FBXL17: variants seen among roughly 807,000 people sequenced by gnomAD.
FBXL17 encodes F-box/LRR-repeat protein 17.
FBXL17 carries 22 observed loss-of-function variants against 66.2 expected under a neutral mutation model. The ratio of observed to expected loss-of-function variants is 0.33; its 90% CI spans 0.24 to 0.47. The LOEUF (loss-of-function observed/expected upper bound fraction) is 0.47, where lower values mean the gene tolerates loss of function less well. Ranked by LOEUF, FBXL17 falls within the 20% of genes least tolerant of loss-of-function variation. The pLI is 1.00. For missense variants in FBXL17, 878 were observed against 948.2 expected (o/e 0.93, Z 0.97); for synonymous variants, 474 against 400.5 (o/e 1.18, Z -2.19).
At chr5:108,326,287 T>TA (rs918196994) in intron 4 of FBXL17, among the ~76,000 whole-genome samples, 49 of 150,264 alleles carry the variant, frequency 3.3e-4, no homozygotes, top group African/African-American at 1.0e-3. Flanking sequence ...GACAACCAAT[T>TA]AAAAAAAAAT....
In FBXL17 at chr5:108,218,128, C is replaced by T. The variant is rs1044988872; in HGVS notation, c.1614+5993G>A. ...TCACGCCATTCTCCTGCCTCAGCCT[C>T]CAGAGTAGCTGGGACTATAGGCGCC... On this transcript the variant is annotated intron_variant, in intron 5 of 8. Coordinates refer to ENST00000542267, the MANE Select transcript of FBXL17 (RefSeq NM_001163315.3). Among the ~76,000 whole-genome samples, 25 of 150,982 alleles carry T rather than the reference C, an allele frequency of 1.7e-4. 1 individual carries two copies. The South Asian group carries it at 2.9e-3, about 18-fold the overall frequency.
At chr5:108,347,119 A>G (rs897057140) in intron 4 of FBXL17, among the ~76,000 whole-genome samples, 3 of 152,202 alleles carry the variant, frequency 2.0e-5, no homozygotes. Context: ...TAATTTTGTC[A>G]TTGTGTGAAC....
intron 7 of FBXL17, among the ~76,000 whole-genome samples, chr5:107,935,717 C>T (rs17437183): frequency 0.095 from 14,388 of 151,962 alleles, 826 homozygotes; most frequent in South Asian, 0.16. Flanking sequence ...AATTACTAAG[C>T]CAAACAGAAG....
chr5:108,157,634 A>G (rs866979471), intron 6 of FBXL17, among the ~76,000 whole-genome samples: 1 of 151,912 alleles, frequency 6.6e-6, no homozygotes. Context: ...ATTATTTAGC[A>G]TATTATATGC....
chr5:108,244,386 C>G (rs1755999398), intron 4 of FBXL17, among the ~76,000 whole-genome samples: 1 of 151,912 alleles, frequency 6.6e-6, no homozygotes, highest in South Asian at 2.1e-4. Context: ...GGTTGCAATC[C>G]AGCTCCACTT....
chr5:108,217,851 T>C (rs992886480), intron 5 of FBXL17, among the ~76,000 whole-genome samples: 1 of 152,154 alleles, frequency 6.6e-6, no homozygotes, highest in African/African-American at 2.4e-5. Context: ...AGATTCCACA[T>C]GTAAGAAGAT....
At chr5:107,946,174 C>T (rs560249176) in intron 7 of FBXL17, among the ~76,000 whole-genome samples, 2 of 146,762 alleles carry the variant, frequency 1.4e-5, no homozygotes, top group African/African-American at 2.5e-5. Context: ...CAACCCCAGA[C>T]ATATGAGTGT....
At chr5:107,966,356 A>G (rs1752139548) in intron 7 of FBXL17, among the ~76,000 whole-genome samples, 1 of 152,164 alleles carries the variant, frequency 6.6e-6, no homozygotes, top group African/African-American at 2.4e-5. Context: ...GAGACCCTGC[A>G]GTCTCCAAGC....
chr5:108,117,748 C>A (rs1750319917), intron 6 of FBXL17, among the ~76,000 whole-genome samples: 1 of 152,230 alleles, frequency 6.6e-6, no homozygotes, highest in Admixed American at 6.5e-5. Flanking sequence ...AACTACACCC[C>A]CTCTCGGAAA....
At chr5:108,272,899 G>T (rs930037729) in intron 4 of FBXL17, among the ~76,000 whole-genome samples, 16 of 152,250 alleles carry the variant, frequency 1.1e-4, no homozygotes, top group African/African-American at 3.9e-4. Context: ...ATAACTATCA[G>T]CGAACCTGCC....
chr5:108,031,661 C>T (rs1479711269), intron 6 of FBXL17, among the ~76,000 whole-genome samples: 1 of 152,088 alleles, frequency 6.6e-6, no homozygotes, highest in African/African-American at 2.4e-5. Context: ...CCATGAGAAA[C>T]TGGTCTCTCA....
At chr5:108,207,635 C>A (rs1580614800) in intron 5 of FBXL17, among the ~76,000 whole-genome samples, 2 of 152,114 alleles carry the variant, frequency 1.3e-5, no homozygotes, top group African/African-American at 4.8e-5. Flanking sequence ...TCCTCCATGA[C>A]CCTGCAAAGG....
intron 6 of FBXL17, among the ~76,000 whole-genome samples, chr5:108,054,495 A>G (rs1310737877): frequency 6.6e-6 from 1 of 152,096 alleles, no homozygotes; most frequent in Non-Finnish European, 1.5e-5. Context: ...GATAGTTGCT[A>G]GCTGGCAGAA....
At chr5:108,115,163 T>C (rs1750193543) in intron 6 of FBXL17, among the ~76,000 whole-genome samples, 1 of 152,106 alleles carries the variant, frequency 6.6e-6, no homozygotes, top group South Asian at 2.1e-4. Context: ...GCTAGAACAG[T>C]AAGTACTCAA....
intron 7 of FBXL17, among the ~76,000 whole-genome samples, chr5:107,974,562 A>G (rs1004141011): frequency 6.6e-6 from 1 of 152,284 alleles, no homozygotes; most frequent in South Asian, 2.1e-4. Flanking sequence ...TCTAAATAAC[A>G]CACCTAGAGA....
chr5:108,291,935 C>T (rs1392195611), intron 4 of FBXL17, among the ~76,000 whole-genome samples: 1 of 152,118 alleles, frequency 6.6e-6, no homozygotes, highest in East Asian at 1.9e-4. Flanking sequence ...GCCCTCAGTT[C>T]AGGTGGTCAT....
intron 5 of FBXL17, among the ~76,000 whole-genome samples, chr5:108,203,975 T>C (rs758572998): frequency 2.8e-4 from 43 of 152,144 alleles, no homozygotes; most frequent in Non-Finnish European, 4.9e-4. Flanking sequence ...TGAAGTTCTT[T>C]AAATGTGATT....
At chr5:108,294,096 T>C (rs1206673478) in intron 4 of FBXL17, among the ~76,000 whole-genome samples, 1 of 97,684 alleles carries the variant, frequency 1.0e-5, no homozygotes, top group Non-Finnish European at 2.3e-5. Flanking sequence ...ATCATTAAGA[T>C]AAAAAAATTC....
chr5:108,315,384 TGA>T, intron 4 of FBXL17, among the ~76,000 whole-genome samples: 1 of 151,502 alleles, frequency 6.6e-6, no homozygotes, highest in South Asian at 2.1e-4. Flanking sequence ...AGCGACAAGA[TGA>T]AAATGTGTAA....
Sources: allele counts gnomAD v4.1 joint callset (sites outside exome capture counted in the v4.1 genomes callset), GRCh38; gene constraint gnomAD v4.1.1; transcripts MANE v1.5; gene names NCBI Gene and HGNC (gene_info 2026-07-23, HGNC 2026-07-21).